Variants in PI4K2B observed in about 807,000 individuals in gnomAD.
The protein encoded by PI4K2B is phosphatidylinositol 4-kinase type 2-beta.
In PI4K2B, 46 loss-of-function variants were observed where a neutral mutation model predicts 56.6. The ratio of observed to expected loss-of-function variants is 0.81; its 90% confidence interval spans 0.64 to 1.04. PI4K2B has a LOEUF of 1.04. PI4K2B is among the 50% of genes least tolerant of loss of function. The pLI is 0.00. For missense variants in PI4K2B, 556 were observed against 607.7 expected (o/e 0.91, Z 0.89); for synonymous variants, 211 against 223.8 (o/e 0.94, Z 0.51).
intron 4 of PI4K2B, among the ~76,000 whole-genome samples, chr4:25,257,989 G>T (rs1217665946): frequency 5.9e-5 from 9 of 152,084 alleles, no homozygotes; most frequent in Non-Finnish European, 8.8e-5. Flanking sequence ...AAGCAAACTA[G>T]GGTTACCTGT....
chr4:25,238,835 C>G (rs1560365084), intron 1 of PI4K2B, among the ~76,000 whole-genome samples: 1 of 152,138 alleles, frequency 6.6e-6, no homozygotes, highest in Non-Finnish European at 1.5e-5. Context: ...GGAAGGGGAC[C>G]TGAGCAGGTT....
intron 4 of PI4K2B, among the ~76,000 whole-genome samples, chr4:25,258,213 CTT>C (rs545122643): frequency 2.5e-5 from 3 of 118,996 alleles, no homozygotes; most frequent in East Asian, 2.3e-4. Flanking sequence ...GGAATCTGTC[CTT>C]TTTTTTTTTT....
intron 1 of PI4K2B, among the ~76,000 whole-genome samples, chr4:25,250,038 C>T (rs926462158): frequency 2.6e-5 from 4 of 152,148 alleles, no homozygotes; most frequent in East Asian, 1.9e-4. Flanking sequence ...GCCAACACGG[C>T]GAAACCCCGT....
At chr4:25,261,383 T>C (rs977052343) in intron 6 of PI4K2B, among the ~76,000 whole-genome samples, 3 of 152,218 alleles carry the variant, frequency 2.0e-5, no homozygotes, top group African/African-American at 4.8e-5. Context: ...ATGAGAGTTA[T>C]AGATTTTAGA....
Position 25,234,155 on chromosome 4 carries a change from A to T in PI4K2B, c.-9A>T. 7.4e-7 allele frequency: 1 copy of T among 1,354,232 alleles called. No homozygotes were observed. The highest frequency in any genetic ancestry group is 9.5e-7 in the Non-Finnish European group (1 of 1,050,680). The allele number at this position is 1,354,232 out of a possible 1,614,324, so 83.9% of individuals were successfully genotyped here. ...TCTGGTCTCAGCGCGGAGGGAGCAGAGGGAGTCCATGGAGGATCCCTCCGA... is the reference window on the plus strand; with the variant it reads ...TCTGGTCTCAGCGCGGAGGGAGCAGTGGGAGTCCATGGAGGATCCCTCCGA... On this transcript the variant is annotated 5_prime_UTR_variant, in exon 1 of 10. Coordinates refer to ENST00000264864, the MANE Select transcript of PI4K2B (RefSeq NM_018323.4).
intron 6 of PI4K2B, among the ~76,000 whole-genome samples, chr4:25,261,994 C>T (rs567658010): frequency 7.9e-5 from 12 of 152,122 alleles, no homozygotes; most frequent in African/African-American, 2.6e-4. Context: ...AACATAAATG[C>T]TCATATGTAT....
At chr4:25,252,184 G>A (rs922460667) in intron 1 of PI4K2B, 137 bp from the exon 2 acceptor site, 5 of 578,376 alleles carry the variant, frequency 8.6e-6, no homozygotes, top group Non-Finnish European at 1.5e-5. Flanking sequence ...AGGCAGTGGG[G>A]GGAAGGAGGA....
intron 1 of PI4K2B, 116 bp downstream of exon 1, chr4:25,234,547 T>C (rs1715160639): frequency 1.4e-6 from 1 of 716,732 alleles, no homozygotes. Flanking sequence ...CCCCGCTCGC[T>C]GGGCAGCAGC....
chr4:25,263,371 A>T (rs1392468677), intron 6 of PI4K2B, among the ~76,000 whole-genome samples: 1 of 152,166 alleles, frequency 6.6e-6, no homozygotes, highest in Non-Finnish European at 1.5e-5. Flanking sequence ...GGTCTTAATA[A>T]GGTGATTATT....
At position 25,234,083 on chromosome 4, in the gene PI4K2B, C is replaced by A; in HGVS notation, c.-81C>A. On this transcript the variant is annotated 5_prime_UTR_variant, in exon 1 of 10. Transcript: ENST00000264864. ...GGCGTCCGTTCTACCCGGTCGCTCCCGTTCCGCGCCATGCAGAGCCCAGTC... is the reference window on the plus strand; with the variant it reads ...GGCGTCCGTTCTACCCGGTCGCTCCAGTTCCGCGCCATGCAGAGCCCAGTC... 1.7e-6 allele frequency: 2 copies of A among 1,166,488 alleles called. No individual in the cohort carries two copies. Among genetic ancestry groups the A allele is most frequent in the South Asian group, 3.9e-5 (1 of 25,540 alleles). 72.3% of individuals were successfully genotyped at this position (1,166,488 alleles called of 1,614,324 possible). A position where few individuals can be genotyped will look rare whatever the true frequency, so the allele number is the denominator to read the frequency against.
At chr4:25,254,925 A>G (rs1716199025) in intron 2 of PI4K2B, 140 bp from the exon 3 acceptor site, 1 of 620,846 alleles carries the variant, frequency 1.6e-6, no homozygotes. Flanking sequence ...GTTGAGGTTT[A>G]TAAATCCTCT....
chr4:25,246,880 G>T (rs1450484154), intron 1 of PI4K2B, among the ~76,000 whole-genome samples: 1 of 152,214 alleles, frequency 6.6e-6, no homozygotes, highest in African/African-American at 2.4e-5. Flanking sequence ...CACTGCCTGG[G>T]GCCTGGCGGG....
At chr4:25,275,744 A>G (rs1717069625) in intron 9 of PI4K2B, among the ~76,000 whole-genome samples, 1 of 152,222 alleles carries the variant, frequency 6.6e-6, no homozygotes, top group Non-Finnish European at 1.5e-5. Flanking sequence ...ATAACCTATA[A>G]CACTGTTACT....
chr4:25,242,841 G>A (rs1471015654), intron 1 of PI4K2B, among the ~76,000 whole-genome samples: 1 of 152,176 alleles, frequency 6.6e-6, no homozygotes, highest in East Asian at 1.9e-4. Flanking sequence ...AGACTTCAGG[G>A]TTGATTCCCT....
At chr4:25,245,776 G>A (rs953964173) in intron 1 of PI4K2B, among the ~76,000 whole-genome samples, 7 of 152,170 alleles carry the variant, frequency 4.6e-5, no homozygotes, top group Admixed American at 2.6e-4. Flanking sequence ...AGCGATAGGC[G>A]ATGGTCTCAC....
In PI4K2B at chr4:25,249,947, C is replaced by T. The variant is rs564513176; in HGVS notation, c.269-2374C>T. 1.4e-4 allele frequency among the ~76,000 whole-genome samples: 21 copies of T among 152,300 alleles called. No individual in the cohort carries two copies. The East Asian group carries it at 3.5e-3, about 25-fold the overall frequency. ...TGGGCAACACTGAGCACTGAGTGAG[C>T]GAGACTCCGTTTGCAATCCCGGCAC... On this transcript the variant is annotated intron_variant, in intron 1 of 9. Coordinates refer to ENST00000264864, the MANE Select transcript of PI4K2B (RefSeq NM_018323.4).
chr4:25,252,937 A>T (rs555660967), intron 2 of PI4K2B, among the ~76,000 whole-genome samples: 1 of 152,238 alleles, frequency 6.6e-6, no homozygotes, highest in South Asian at 2.1e-4. Flanking sequence ...TTACTAAAGC[A>T]CTCTAGTGCT....
chr4:25,258,003 C>T (rs962115757), intron 4 of PI4K2B, among the ~76,000 whole-genome samples: 1 of 152,142 alleles, frequency 6.6e-6, no homozygotes, highest in Non-Finnish European at 1.5e-5. Context: ...TACCTGTTAC[C>T]TGTTTGTCAC....
intron 1 of PI4K2B, among the ~76,000 whole-genome samples, chr4:25,249,260 T>TAGG (rs1715927869): frequency 6.6e-6 from 1 of 152,300 alleles, no homozygotes; most frequent in Non-Finnish European, 1.5e-5. Context: ...TTTCCCCACA[T>TAGG]TTCCCCCTTA....
Sources: allele counts gnomAD v4.1 joint callset (sites outside exome capture counted in the v4.1 genomes callset), GRCh38; gene constraint gnomAD v4.1.1; transcripts MANE v1.5; gene names NCBI Gene and HGNC (gene_info 2026-07-23, HGNC 2026-07-21).